Variants in LPP observed in about 807,000 individuals in gnomAD.
LPP encodes lipoma-preferred partner.
Under a neutral mutation model 60.4 loss-of-function variants are expected in LPP, and 38 were observed. That is an observed-to-expected ratio of 0.63 (90% CI 0.49 to 0.83). The LOEUF is 0.83. LPP is among the 40% of genes least tolerant of loss of function. The pLI, the probability that LPP is intolerant of heterozygous loss-of-function variation, is 0.00. For synonymous variants in LPP, 328 were observed against 290.8 expected (o/e 1.13, Z -1.30); for missense variants, 902 against 783.6 (o/e 1.15, Z -1.80).
chr3:188,379,663 T>G (rs1327387945), intron 3 of LPP, among the ~76,000 whole-genome samples: 3 of 152,240 alleles, frequency 2.0e-5, no homozygotes, highest in African/African-American at 4.8e-5. Context: ...TAAATGTCCA[T>G]ACATTTATAT....
chr3:188,808,167 A>T (rs943219475), intron 9 of LPP, among the ~76,000 whole-genome samples: 3 of 152,000 alleles, frequency 2.0e-5, no homozygotes, highest in African/African-American at 7.2e-5. Flanking sequence ...GGTTTTCCAA[A>T]AGGACTTTCT....
rs981413163 is a variant in LPP, at chr3:188,882,389, A to C, written c.*7910A>C. On this transcript the variant is annotated 3_prime_UTR_variant, in exon 12 of 12. Transcript: ENST00000617246. ...AAAGGCTTCCAAATAATCAGGCTGAATGGGAAGAAAAAGGCATAGAGGAAG... is the reference window on the plus strand; with the variant it reads ...AAAGGCTTCCAAATAATCAGGCTGACTGGGAAGAAAAAGGCATAGAGGAAG... 3.5e-5 allele frequency: 8 copies of C among 226,736 alleles called. No individual in the cohort carries two copies. The highest frequency in any genetic ancestry group is 1.6e-4 in the African/African-American group (7 of 45,032). 14.0% of individuals were successfully genotyped at this position (226,736 alleles called of 1,614,324 possible).
At position 188,638,595 on chromosome 3, in the gene LPP, T is replaced by G. The variant is rs960469669; in HGVS notation, c.1113+28751T>G. ...AAATTGTCCCTGTTTGCAGATGACA[T>G]GATTGTATATCTAGAAAACCCCATT... On this transcript the variant is annotated intron_variant, in intron 7 of 11. Transcript: ENST00000617246. Among the ~76,000 whole-genome samples, 30 of 148,918 alleles carry G rather than the reference T, an allele frequency of 2.0e-4. No individual in the cohort carries two copies. The East Asian group carries it at 2.7e-3, about 13-fold the overall frequency.
At chr3:188,241,791 T>A (rs1280006245) in intron 2 of LPP, among the ~76,000 whole-genome samples, 2 of 152,208 alleles carry the variant, frequency 1.3e-5, no homozygotes, top group Non-Finnish European at 2.9e-5. Context: ...AAATTTAACT[T>A]GTTTTTCTAG....
rs191147869 is a variant in LPP at position 188,883,342 on chromosome 3, G to A, written c.*8863G>A. 1.3e-3 allele frequency: 276 copies of A among 214,674 alleles called. No homozygotes were observed. The highest frequency in any genetic ancestry group is 1.0e-3 in the Non-Finnish European group (110 of 106,302). The allele number at this position is 214,674 out of a possible 1,614,324, so 13.3% of individuals were successfully genotyped here. ...TACTTTCCTATTTAGAAGACAGACC[G>A]TTCTGACAGTTGTTGTGTAGCTTCA... On this transcript the variant is annotated 3_prime_UTR_variant, in exon 12 of 12. Coordinates refer to ENST00000617246, the MANE Select transcript of LPP (RefSeq NM_001375462.1).
Position 188,872,881 on chromosome 3 carries a change from A to G in LPP, c.1710+118A>G, listed in dbSNP as rs966396096. 9.8e-6 allele frequency: 13 copies of G among 1,323,954 alleles called. No individual in the cohort carries two copies. The Admixed American group carries it at 1.1e-4, about 12-fold the overall frequency. 82.0% of individuals were successfully genotyped at this position (1,323,954 alleles called of 1,614,324 possible). ...CAGAACGGCCTTAGTGCCTGTACTC[A>G]TAGGACTTGGGTTTTAGATTTGACA... On this transcript the variant is annotated intron_variant, in intron 11 of 11. Coordinates refer to ENST00000617246, the MANE Select transcript of LPP (RefSeq NM_001375462.1).
At chr3:188,764,833 CT>C (rs1733502766) in intron 9 of LPP, among the ~76,000 whole-genome samples, 1 of 152,122 alleles carries the variant, frequency 6.6e-6, no homozygotes, top group Admixed American at 6.5e-5. Flanking sequence ...ACTCCAGGTC[CT>C]AACTCTCTGA....
intron 8 of LPP, among the ~76,000 whole-genome samples, chr3:188,732,368 T>A (rs1357115216): frequency 6.6e-6 from 1 of 152,218 alleles, no homozygotes; most frequent in Non-Finnish European, 1.5e-5. Context: ...CACTTACATT[T>A]ACATCCCCAA....
chr3:188,884,256 G>A lies in LPP; in HGVS notation c.*9777G>A, dbSNP rs1770402379. 4.3e-6 allele frequency: 1 copy of A among 229,932 alleles called. No individual in the cohort carries two copies. Among genetic ancestry groups the A allele is most frequent in the Non-Finnish European group, 8.6e-6 (1 of 116,030 alleles). The allele number at this position is 229,932 out of a possible 1,614,324, so 14.2% of individuals were successfully genotyped here. On this transcript the variant is annotated 3_prime_UTR_variant, in exon 12 of 12. Coordinates refer to ENST00000617246, the MANE Select transcript of LPP (RefSeq NM_001375462.1). ...CATAGCTGGGAAGTGGCAGATTTGG[G>A]GATATAACCAGGTCTTGCAAGTCCA...
At chr3:188,658,345 C>T (rs1209959956) in intron 7 of LPP, among the ~76,000 whole-genome samples, 1 of 152,094 alleles carries the variant, frequency 6.6e-6, no homozygotes, top group African/African-American at 2.4e-5. Flanking sequence ...AGAGTTTCGG[C>T]ATATTGGCCA....
chr3:188,679,568 C>CGT (rs1553793629), intron 7 of LPP, among the ~76,000 whole-genome samples: 14 of 147,426 alleles, frequency 9.5e-5, no homozygotes, highest in Admixed American at 6.1e-4. Flanking sequence ...TGTGTGCGCG[C>CGT]GCGCATGTTT....
At chr3:188,297,308 T>A (rs1748263355) in intron 2 of LPP, among the ~76,000 whole-genome samples, 1 of 152,186 alleles carries the variant, frequency 6.6e-6, no homozygotes, top group Non-Finnish European at 1.5e-5. Context: ...ATTTTGGACA[T>A]TGCTTGTAAA....
At chr3:188,805,523 GA>G (rs1345439408) in intron 9 of LPP, among the ~76,000 whole-genome samples, 8 of 136,422 alleles carry the variant, frequency 5.9e-5, no homozygotes, top group African/African-American at 1.8e-4. Context: ...AGTTTGTTGT[GA>G]TTTTTTTTTC....
At chr3:188,739,651 G>A (rs965324729) in intron 8 of LPP, among the ~76,000 whole-genome samples, 2 of 152,038 alleles carry the variant, frequency 1.3e-5, no homozygotes, top group African/African-American at 4.8e-5. Context: ...ATAAAAATTA[G>A]TTCCCTTCCA....
chr3:188,230,659 G>GCCT (rs974973559), intron 2 of LPP, among the ~76,000 whole-genome samples: 1 of 151,774 alleles, frequency 6.6e-6, no homozygotes, highest in Non-Finnish European at 1.5e-5. Context: ...TCTAATCCCA[G>GCCT]CTACTCGGGA....
At chr3:188,222,639 T>A (rs894504679) in intron 1 of LPP, among the ~76,000 whole-genome samples, 7 of 152,172 alleles carry the variant, frequency 4.6e-5, no homozygotes, top group Admixed American at 3.9e-4. Flanking sequence ...ATTTTTTTTT[T>A]ATCCTCTCTT....
chr3:188,424,179 GC>G (rs1788659888), intron 4 of LPP, among the ~76,000 whole-genome samples: 1 of 152,122 alleles, frequency 6.6e-6, no homozygotes, highest in Admixed American at 6.5e-5. Context: ...CACATGGCTG[GC>G]CAGTTTTCCA....
intron 2 of LPP, among the ~76,000 whole-genome samples, chr3:188,320,732 T>C (rs894015248): frequency 1.3e-5 from 2 of 152,228 alleles, no homozygotes; most frequent in African/African-American, 2.4e-5. Flanking sequence ...TTCTCATCTC[T>C]TTCTTTCAGT....
At chr3:188,250,190 T>C (rs1001147246) in intron 2 of LPP, among the ~76,000 whole-genome samples, 2 of 152,220 alleles carry the variant, frequency 1.3e-5, no homozygotes, top group African/African-American at 4.8e-5. Context: ...CAAGTCTCTT[T>C]AGTCTCCTTT....
Sources: gnomAD v4.1 joint callset for allele counts (sites outside exome capture counted in the v4.1 genomes callset) on GRCh38, gnomAD v4.1.1 for gene constraint, MANE v1.5 for transcripts, NCBI Gene and HGNC (gene_info 2026-07-23, HGNC 2026-07-21) for gene names.